Variants in PCDH15 observed in about 807,000 individuals in gnomAD.
The protein encoded by PCDH15 is protocadherin related 15, also known as protocadherin-15.
Under a neutral mutation model 178.5 loss-of-function variants are expected in PCDH15, and 129 were observed. The ratio of observed to expected loss-of-function variants is 0.72; its 90% CI spans 0.63 to 0.84. The LOEUF (loss-of-function observed/expected upper bound fraction) is 0.84, where lower values mean the gene tolerates loss of function less well. Ranked by LOEUF, PCDH15 falls within the 40% of genes least tolerant of loss-of-function variation. PCDH15 has a pLI of 0.00. For synonymous variants in PCDH15, 800 were observed against 732.0 expected (o/e 1.09, Z -1.50); for missense variants, 2,230 against 2,099.9 (o/e 1.06, Z -1.21).
At chr10:53,983,063 C>T (rs1344212591) in intron 21 of PCDH15, among the ~76,000 whole-genome samples, 1 of 151,824 alleles carries the variant, frequency 6.6e-6, no homozygotes, top group East Asian at 1.9e-4. Context: ...TTCAAGAACA[C>T]AAATATTTTA....
intron 3 of PCDH15, among the ~76,000 whole-genome samples, chr10:54,453,771 A>G (rs113671578): frequency 0.016 from 2,428 of 152,138 alleles, 42 homozygotes; most frequent in South Asian, 0.11. Context: ...GCTACAAACC[A>G]ACCAGAACCA....
chr10:55,177,365 C>T (rs12241802), intron 1 of PCDH15, among the ~76,000 whole-genome samples: 71,871 of 151,900 alleles, frequency 0.47, 17,318 homozygotes, highest in East Asian at 0.67. Flanking sequence ...AGGCATCAGC[C>T]GTTAGTCTTC....
At chr10:54,064,201 A>G (rs2094091022) in intron 18 of PCDH15, among the ~76,000 whole-genome samples, 1 of 152,158 alleles carries the variant, frequency 6.6e-6, no homozygotes, top group African/African-American at 2.4e-5. Context: ...AAGACCCGGA[A>G]TAGGTAGTTC....
At chr10:55,333,904 A>G (rs900108563) in intron 2 of PCDH15, among the ~76,000 whole-genome samples, 19 of 151,960 alleles carry the variant, frequency 1.3e-4, no homozygotes, top group Admixed American at 5.2e-4. Flanking sequence ...AACCTTGGCA[A>G]TCCTTGGAGA....
intron 3 of PCDH15, among the ~76,000 whole-genome samples, chr10:54,895,980 G>A (rs1436847611): frequency 2.6e-5 from 4 of 151,866 alleles, no homozygotes; most frequent in South Asian, 4.2e-4. Context: ...TCCGCCTCCC[G>A]GGTTCAAGCG....
chr10:55,243,208 A>G (rs1841598743), intron 1 of PCDH15, among the ~76,000 whole-genome samples: 1 of 152,238 alleles, frequency 6.6e-6, no homozygotes, highest in Non-Finnish European at 1.5e-5. Flanking sequence ...GTGCATTTTC[A>G]TATTCCATTG....
intron 1 of PCDH15, among the ~76,000 whole-genome samples, chr10:54,684,330 A>T (rs561652156): frequency 2.6e-5 from 4 of 151,856 alleles, no homozygotes; most frequent in Admixed American, 6.6e-5. Flanking sequence ...CTAATTTTTT[A>T]AAATCATATT....
chr10:55,353,345 G>T (rs1844992102), intron 2 of PCDH15, among the ~76,000 whole-genome samples: 1 of 152,178 alleles, frequency 6.6e-6, no homozygotes, highest in African/African-American at 2.4e-5. Context: ...AAAATTCATG[G>T]TCTGAAACCG....
At chr10:55,255,402 A>G (rs185892693) in intron 1 of PCDH15, among the ~76,000 whole-genome samples, 9,227 of 152,192 alleles carry the variant, frequency 0.061, 319 homozygotes, top group Middle Eastern at 0.17. Flanking sequence ...GAATAGTGCC[A>G]CAATAAACAT....
chr10:55,553,652 T>A (rs1310552156), intron 2 of PCDH15, among the ~76,000 whole-genome samples: 1 of 151,866 alleles, frequency 6.6e-6, no homozygotes, highest in Non-Finnish European at 1.5e-5. Context: ...AGAACAAGGA[T>A]CAGTAACATA....
intron 1 of PCDH15, among the ~76,000 whole-genome samples, chr10:55,187,359 G>A (rs1459520183): frequency 6.6e-6 from 1 of 151,862 alleles, no homozygotes; most frequent in South Asian, 2.1e-4. Context: ...GTTATTTCAG[G>A]TAGCATACAT....
intron 2 of PCDH15, among the ~76,000 whole-genome samples, chr10:55,083,069 G>A (rs1160359236): frequency 1.3e-5 from 2 of 151,528 alleles, no homozygotes; most frequent in Non-Finnish European, 3.0e-5. Context: ...GTATAGTACT[G>A]ATAACCACAA....
In PCDH15 at chr10:54,271,987, C is replaced by T. The variant is rs529308092; in HGVS notation, c.877-35056G>A. Among the ~76,000 whole-genome samples, 6 of 141,816 alleles carry T rather than the reference C, an allele frequency of 4.2e-5. No individual in the cohort carries two copies. In the East Asian group the frequency reaches 1.2e-3, roughly 29 times the overall value. The allele number at this position is 141,816 out of a possible 152,430, so 93.0% of individuals were successfully genotyped here. ...TACTACTGTACCTCCTACCCAGTAACATATATATGATATATATATATCATA... is the reference window on the plus strand; with the variant it reads ...TACTACTGTACCTCCTACCCAGTAATATATATATGATATATATATATCATA... On this transcript the variant is annotated intron_variant, in intron 8 of 37. Transcript: ENST00000644397.
chr10:54,009,449 C>T (rs1176628026), intron 20 of PCDH15, among the ~76,000 whole-genome samples: 2 of 151,988 alleles, frequency 1.3e-5, no homozygotes, highest in East Asian at 1.9e-4. Flanking sequence ...GAAGAAATGG[C>T]ATCAATTTGT....
rs373036698 is a variant in PCDH15, at chr10:55,460,121, C to T, written c.-156+167504G>A. ...CAGGAATGCCACAGAGTTGGGGGTA[C>T]GAATCAGGAGAATGATGCCACCTGT... is the stretch of plus-strand genomic sequence containing the variant. On this transcript the variant is annotated intron_variant, in intron 2 of 5. Coordinates refer to the PCDH15 transcript ENST00000613346. Among the ~76,000 whole-genome samples, 49 of 151,624 alleles carry T rather than the reference C, an allele frequency of 3.2e-4. No individual in the cohort carries two copies. In the South Asian group the frequency reaches 4.4e-3, roughly 14 times the overall value.
chr10:54,803,357 G>A (rs1330455281), upstream of PCDH15, among the ~76,000 whole-genome samples: 1 of 151,932 alleles, frequency 6.6e-6, no homozygotes, highest in Non-Finnish European at 1.5e-5. Context: ...TAATATATTT[G>A]TAGAATCCTG....
At position 53,809,599 on chromosome 10, in the gene PCDH15, TG is replaced by T. The variant is rs2075793768; in HGVS notation, c.4671+956del. ...TGTCAGCTTGGAGATAGCTATGGTA[TG>T]ACCTTGTCCCACGAAAGCTACGCAG... On this transcript the variant is annotated intron_variant, in intron 37 of 37. Coordinates refer to ENST00000644397, the MANE Select transcript of PCDH15 (RefSeq NM_001384140.1). The T allele has an allele frequency of 1.9e-6, 3 of 1,541,366 alleles. No homozygotes were observed. In the South Asian group the frequency reaches 3.6e-5, roughly 19 times the overall value.
intron 2 of PCDH15, among the ~76,000 whole-genome samples, chr10:54,537,641 T>C (rs1003771163): frequency 6.6e-6 from 1 of 152,210 alleles, no homozygotes; most frequent in Admixed American, 6.5e-5. Context: ...ATAATTGTGA[T>C]TTATCACATG....
intron 3 of PCDH15, among the ~76,000 whole-genome samples, chr10:54,896,360 C>T (rs1430762718): frequency 6.6e-6 from 1 of 152,064 alleles, no homozygotes; most frequent in Non-Finnish European, 1.5e-5. Context: ...CTGAGATACA[C>T]GAGTTTGAAA....
Sources: allele counts gnomAD v4.1 joint callset (sites outside exome capture counted in the v4.1 genomes callset), GRCh38; gene constraint gnomAD v4.1.1; transcripts MANE v1.5; gene names NCBI Gene and HGNC (gene_info 2026-07-23, HGNC 2026-07-21).